DPY19L4: variants seen among roughly 807,000 people sequenced by gnomAD.
The protein encoded by DPY19L4 is probable C-mannosyltransferase DPY19L4.
DPY19L4 carries 97 observed loss-of-function variants against 102.8 expected under a neutral mutation model. That is an observed-to-expected ratio of 0.94 (90% CI 0.80 to 1.12). DPY19L4 has a LOEUF of 1.12. DPY19L4 is among the 50% of genes most tolerant of loss of function. DPY19L4 has a pLI of 0.00. For synonymous variants in DPY19L4, 252 were observed against 283.1 expected (o/e 0.89, Z 1.10); for missense variants, 815 against 850.4 (o/e 0.96, Z 0.52).
intron 2 of DPY19L4, among the ~76,000 whole-genome samples, chr8:94,728,204 C>G (rs1249426694): frequency 1.3e-5 from 2 of 152,226 alleles, no homozygotes; most frequent in Non-Finnish European, 2.9e-5. Flanking sequence ...GGTGATCCGC[C>G]TGCAAGCAGG....
intron 16 of DPY19L4, among the ~76,000 whole-genome samples, chr8:94,781,811 T>C (rs985932041): frequency 6.6e-5 from 10 of 152,244 alleles, no homozygotes; most frequent in Admixed American, 6.5e-4. Context: ...TCTGAATTCA[T>C]GTGGTTTTAT....
At chr8:94,733,003 A>T (rs922363658) in intron 2 of DPY19L4, among the ~76,000 whole-genome samples, 1 of 149,304 alleles carries the variant, frequency 6.7e-6, no homozygotes, top group Non-Finnish European at 1.5e-5. Context: ...TTGTAGAGAC[A>T]TGGTTTCACC....
chr8:94,765,641 T>C (rs1455952927), intron 9 of DPY19L4, 70 bp from the exon 10 acceptor site: 2 of 1,206,302 alleles, frequency 1.7e-6, no homozygotes, highest in African/African-American at 1.5e-5. Context: ...CGGCCATTCT[T>C]ATGATTACTT....
Position 94,722,034 on chromosome 8 carries a change from G to A in DPY19L4, c.16+2020G>A, listed in dbSNP as rs1346306703. Among the ~76,000 whole-genome samples, 9 of 152,032 alleles carry A rather than the reference G, an allele frequency of 5.9e-5. No individual in the cohort carries two copies. In the South Asian group the frequency reaches 1.2e-3, roughly 21 times the overall value. ...TGAGATAGGAGAATCACTTGAACCCGGGAGGCGGAGGTTGCAGTGAGCCAA... is the reference window on the plus strand; with the variant it reads ...TGAGATAGGAGAATCACTTGAACCCAGGAGGCGGAGGTTGCAGTGAGCCAA... On this transcript the variant is annotated intron_variant, in intron 1 of 18. Transcript: ENST00000414645.
At chr8:94,726,489 A>G (rs7816645) in intron 2 of DPY19L4, 48 bp downstream of exon 2, 903,215 of 1,402,724 alleles carry the variant, frequency 0.64, 295,501 homozygotes, top group African/African-American at 0.93. Context: ...AATAGTTTAC[A>G]CTAGAAAGTA....
chr8:94,769,966 C>T (rs1418304155), intron 12 of DPY19L4, among the ~76,000 whole-genome samples: 28 of 150,120 alleles, frequency 1.9e-4, no homozygotes, highest in Non-Finnish European at 3.4e-4. Flanking sequence ...TGGCTCACTG[C>T]AACCTCTACC....
intron 11 of DPY19L4, among the ~76,000 whole-genome samples, chr8:94,767,066 T>TAA (rs772468464): frequency 1.5e-4 from 18 of 116,710 alleles, no homozygotes; most frequent in African/African-American, 4.1e-4. Context: ...AGACCCTGTC[T>TAA]AAAAAAAAAA....
intron 16 of DPY19L4, among the ~76,000 whole-genome samples, 190 bp from the exon 17 acceptor site, chr8:94,783,479 CA>C (rs5893297): frequency 0.82 from 125,547 of 152,204 alleles, 52,311 homozygotes; most frequent in East Asian, 0.96. Flanking sequence ...ATCTTCAGCA[CA>C]AGTGTCTGCT....
At chr8:94,759,416 A>G (rs577056552) in intron 7 of DPY19L4, among the ~76,000 whole-genome samples, 23 of 149,440 alleles carry the variant, frequency 1.5e-4, no homozygotes, top group African/African-American at 5.7e-4. Context: ...CCAAGTCCCC[A>G]CTCAACCCAG....
intron 9 of DPY19L4, 30 bp downstream of exon 9, chr8:94,765,344 A>G (rs1246139781): frequency 6.3e-7 from 1 of 1,575,006 alleles, no homozygotes; most frequent in Non-Finnish European, 8.6e-7. Flanking sequence ...TATTGTTCTT[A>G]TTTTGATTTT....
rs1474432878 is a variant in DPY19L4 at position 94,789,798 on chromosome 8, G to A, written c.2060G>A (p.Cys687Tyr). 6.2e-7 allele frequency: 1 copy of A among 1,611,966 alleles called. No individual in the cohort carries two copies. The highest frequency in any genetic ancestry group is 2.2e-5 in the East Asian group (1 of 44,746). The change falls in exon 19 of 19, where the codon TGT becomes TAT. Residue 687 changes from cysteine (C) to tyrosine (Y), a missense_variant. Coordinates refer to ENST00000414645, the MANE Select transcript of DPY19L4 (RefSeq NM_181787.3). Reference sequence around the variant, plus strand: ...ACCTACTCAAAATATGGGCGATTTTGTCATGAGGTCAAAATTAACTATTCT... The same window carrying A: ...ACCTACTCAAAATATGGGCGATTTTATCATGAGGTCAAAATTAACTATTCT... The part of the protein sequence containing the change: ...KLTYSKYGRF[C>Y]HEVKINYSPY...
intron 17 of DPY19L4, among the ~76,000 whole-genome samples, chr8:94,786,840 G>A (rs940784682): frequency 1.3e-5 from 2 of 152,140 alleles, no homozygotes; most frequent in African/African-American, 2.4e-5. Flanking sequence ...GAGACACTGC[G>A]CCTGGCCAAC....
chr8:94,765,400 A>C, intron 9 of DPY19L4, 86 bp downstream of exon 9: 3 of 1,316,802 alleles, frequency 2.3e-6, no homozygotes, highest in Non-Finnish European at 3.1e-6. Context: ...GCTGGAGTAC[A>C]TCTCAGCTCA....
chr8:94,736,227 C>T (rs1011883137), intron 3 of DPY19L4, among the ~76,000 whole-genome samples: 1 of 152,164 alleles, frequency 6.6e-6, no homozygotes, highest in African/African-American at 2.4e-5. Context: ...AATCACCTCC[C>T]AGACATCCCA....
chr8:94,767,130 T>C (rs2130892641), intron 11 of DPY19L4, among the ~76,000 whole-genome samples: 1 of 152,184 alleles, frequency 6.6e-6, no homozygotes, highest in South Asian at 2.1e-4. Context: ...TTTAACATTT[T>C]GTTCTAAACC....
chr8:94,722,583 A>G (rs1457291445), intron 1 of DPY19L4, among the ~76,000 whole-genome samples: 1 of 152,198 alleles, frequency 6.6e-6, no homozygotes, highest in Non-Finnish European at 1.5e-5. Context: ...ATTAGATGCA[A>G]GGATATAATA....
intron 17 of DPY19L4, among the ~76,000 whole-genome samples, chr8:94,785,722 T>C (rs1276135587): frequency 6.6e-6 from 1 of 152,216 alleles, no homozygotes; most frequent in Non-Finnish European, 1.5e-5. Context: ...GAGATCTACC[T>C]GAGAATGATT....
In DPY19L4 at chr8:94,779,219, T is replaced by TAAA. The variant is rs10632320; in HGVS notation, c.1576-1130_1576-1128dup. Among the ~76,000 whole-genome samples, 1,056 of 145,962 alleles carry TAAA rather than the reference T, an allele frequency of 7.2e-3. 7 individuals are homozygous for TAAA. The highest frequency in any genetic ancestry group is 0.025 in the African/African-American group (981 of 39,836). On this transcript the variant is annotated intron_variant, in intron 14 of 18. Coordinates refer to ENST00000414645, the MANE Select transcript of DPY19L4 (RefSeq NM_181787.3). ...CCTAGATTTTCTCTGTTTTATAGAT[T>TAAA]AAAAAAAAAAAACCAAGGCTTTAAT...
At chr8:94,742,474 C>A (rs1811488155) in intron 6 of DPY19L4, among the ~76,000 whole-genome samples, 1 of 152,112 alleles carries the variant, frequency 6.6e-6, no homozygotes, top group African/African-American at 2.4e-5. Context: ...CTCACTGTAA[C>A]CTCTGGCTCA....
Sources: allele counts gnomAD v4.1 joint callset (sites outside exome capture counted in the v4.1 genomes callset), GRCh38; gene constraint gnomAD v4.1.1; transcripts MANE v1.5; gene names NCBI Gene and HGNC (gene_info 2026-07-23, HGNC 2026-07-21).